Variants in FRK observed in about 807,000 individuals in gnomAD.
FRK encodes fyn related Src family tyrosine kinase.
FRK carries 51 observed loss-of-function variants against 56.4 expected under a neutral mutation model. The observed-to-expected ratio is 0.90, with a 90% CI of 0.72 to 1.14. The LOEUF (loss-of-function observed/expected upper bound fraction) is 1.14, where lower values mean the gene tolerates loss of function less well. Ranked by LOEUF, FRK falls within the 50% of genes most tolerant of loss-of-function variation. The probability of loss-of-function intolerance (pLI) is 0.00; values close to 1 mark genes in which losing one functional copy is unlikely to be tolerated. For synonymous variants in FRK, 245 were observed against 217.9 expected (o/e 1.12, Z -1.10); for missense variants, 570 against 601.4 (o/e 0.95, Z 0.55).
intron 1 of FRK, among the ~76,000 whole-genome samples, chr6:116,039,881 C>G (rs1776645904): frequency 6.6e-6 from 1 of 151,286 alleles, no homozygotes; most frequent in South Asian, 2.1e-4. Context: ...TCCCACGGTG[C>G]CCGCGCCTGT....
chr6:116,003,052 T>C (rs938224025), intron 2 of FRK, among the ~76,000 whole-genome samples: 3 of 152,208 alleles, frequency 2.0e-5, no homozygotes, highest in African/African-American at 7.2e-5. Flanking sequence ...AATCAGCATT[T>C]ATTGCAGGGA....
chr6:116,078,522 G>C, the FRK span, among the ~76,000 whole-genome samples: 2 of 152,168 alleles, frequency 1.3e-5, no homozygotes, highest in African/African-American at 4.8e-5. Flanking sequence ...CAGGGGTAGT[G>C]TTAGTTGTTT....
At chr6:115,979,841 G>A (rs1774131247) in intron 2 of FRK, among the ~76,000 whole-genome samples, 1 of 152,094 alleles carries the variant, frequency 6.6e-6, no homozygotes, top group South Asian at 2.1e-4. Context: ...GGAGCAATAG[G>A]CTATACCACA....
intron 2 of FRK, among the ~76,000 whole-genome samples, chr6:115,992,142 A>G (rs1038914643): frequency 6.6e-6 from 1 of 151,564 alleles, no homozygotes; most frequent in African/African-American, 2.4e-5. Flanking sequence ...CATTTCATTC[A>G]TCCTTTGCTC....
chr6:116,086,377 A>C, the FRK span, among the ~76,000 whole-genome samples: 1 of 152,192 alleles, frequency 6.6e-6, no homozygotes, highest in African/African-American at 2.4e-5. Flanking sequence ...TAAGTTCCTA[A>C]AATAAGTATT....
chr6:115,944,797 G>A (rs889151339), intron 5 of FRK, among the ~76,000 whole-genome samples: 1 of 151,968 alleles, frequency 6.6e-6, no homozygotes, highest in Non-Finnish European at 1.5e-5. Context: ...TCATGGGGGG[G>A]TTATTGCACA....
chr6:116,087,000 T>C, the FRK span, among the ~76,000 whole-genome samples: 1 of 152,200 alleles, frequency 6.6e-6, no homozygotes, highest in Non-Finnish European at 1.5e-5. Context: ...CTAAAGGTAA[T>C]GTGGGAGATA....
intron 1 of FRK, among the ~76,000 whole-genome samples, chr6:116,006,026 A>C (rs1483513693): frequency 6.6e-6 from 1 of 152,220 alleles, no homozygotes; most frequent in Non-Finnish European, 1.5e-5. Context: ...AATATTTATT[A>C]CATCACAGTT....
chr6:116,001,338 C>T (rs978977751), intron 2 of FRK, among the ~76,000 whole-genome samples: 1 of 151,822 alleles, frequency 6.6e-6, no homozygotes, highest in South Asian at 2.1e-4. Context: ...TGTCTGTACA[C>T]ATGTGTGTAT....
intron 2 of FRK, among the ~76,000 whole-genome samples, chr6:116,001,269 T>G (rs1287347727): frequency 6.6e-6 from 1 of 151,650 alleles, no homozygotes; most frequent in Non-Finnish European, 1.5e-5. Context: ...AAATGGAGCT[T>G]GGATCCATGT....
At chr6:116,034,078 C>A (rs866555675) in intron 1 of FRK, among the ~76,000 whole-genome samples, 2 of 151,978 alleles carry the variant, frequency 1.3e-5, no homozygotes, top group Non-Finnish European at 2.9e-5. Flanking sequence ...GTAACCTTTG[C>A]GGGGCCAGGT....
At chr6:116,065,359 G>C (rs1777741548), upstream of FRK, among the ~76,000 whole-genome samples, 1 of 152,074 alleles carries the variant, frequency 6.6e-6, no homozygotes, top group Non-Finnish European at 1.5e-5. Context: ...TAGAAAAGAG[G>C]ATTATGGCCT....
intron 1 of FRK, among the ~76,000 whole-genome samples, chr6:116,048,840 T>A (rs1201766599): frequency 6.6e-6 from 1 of 152,230 alleles, no homozygotes; most frequent in Non-Finnish European, 1.5e-5. Flanking sequence ...ATAAGAAAAT[T>A]TGCCTTGCAG....
At chr6:116,019,698 G>C (rs1488194091) in intron 1 of FRK, among the ~76,000 whole-genome samples, 12 of 152,198 alleles carry the variant, frequency 7.9e-5, no homozygotes, top group Admixed American at 7.9e-4. Context: ...AGCAGAGCCA[G>C]TGTGTTGGCA....
intron 1 of FRK, among the ~76,000 whole-genome samples, chr6:116,059,112 C>G (rs1459650520): frequency 6.6e-6 from 1 of 152,102 alleles, no homozygotes; most frequent in East Asian, 1.9e-4. Flanking sequence ...CTCCTTTACC[C>G]TCCCCAACTC....
In FRK at chr6:115,968,170, T is replaced by C. The variant is rs78860267; in HGVS notation, c.630+406A>G. Among the ~76,000 whole-genome samples the C allele has an allele frequency of 4.5e-4, 69 of 152,340 alleles. 1 individual carries two copies. In the East Asian group the frequency reaches 0.013, roughly 29 times the overall value. On this transcript the variant is annotated intron_variant, in intron 3 of 7. Coordinates refer to ENST00000606080, the MANE Select transcript of FRK (RefSeq NM_002031.3). ...TCAAACTCATTTTTTCATTTCTTTA[T>C]TTGTTCATTCATTTAGTTACTCATT...
intron 4 of FRK, among the ~76,000 whole-genome samples, chr6:115,958,201 T>A (rs187875188): frequency 2.6e-4 from 39 of 152,296 alleles, no homozygotes; most frequent in Middle Eastern, 3.4e-3. Context: ...ACCTAAATCA[T>A]AATAAGGGAC....
In FRK at chr6:115,967,546, C is replaced by T. The variant is rs756352485; in HGVS notation, c.799+5G>A. 10 of 1,611,862 alleles carry T rather than the reference C, an allele frequency of 6.2e-6. No individual in the cohort carries two copies. Among genetic ancestry groups the T allele is most frequent in the Admixed American group, 3.3e-5 (2 of 59,744 alleles). ...TATGCCATTTAACCTTTATTGTTCT[C>T]GCACCTGGTTTTAATGTTTTCACTG... On this transcript the variant is annotated splice_donor_5th_base_variant and intron_variant, in intron 4 of 7. Transcript: ENST00000606080.
intron 2 of FRK, among the ~76,000 whole-genome samples, chr6:115,996,324 T>C (rs180970187): frequency 6.6e-6 from 1 of 152,236 alleles, no homozygotes; most frequent in Non-Finnish European, 1.5e-5. Context: ...TTAGAACATT[T>C]TGTGATTGGA....
Sources: allele counts gnomAD v4.1 joint callset (sites outside exome capture counted in the v4.1 genomes callset), GRCh38; gene constraint gnomAD v4.1.1; transcripts MANE v1.5; gene names NCBI Gene and HGNC (gene_info 2026-07-23, HGNC 2026-07-21).